Variants in STX6 observed in about 807,000 individuals in gnomAD.
STX6 encodes the protein syntaxin-6.
STX6 carries 23 observed loss-of-function variants against 38.0 expected under a neutral mutation model. The ratio of observed to expected loss-of-function variants is 0.60; its 90% CI spans 0.43 to 0.86. The LOEUF is 0.86. Among genes scored for constraint, STX6 ranks in the 40% least tolerant of loss-of-function variants. The probability of loss-of-function intolerance (pLI) is 0.00; values close to 1 mark genes in which losing one functional copy is unlikely to be tolerated. For missense variants in STX6, 274 were observed against 312.9 expected, an observed-to-expected ratio of 0.88 and a Z score of 0.94; for synonymous variants, 123 against 107.5, an observed-to-expected ratio of 1.14 and a Z score of -0.89.
rs886480249 is a variant in STX6, at chr1:180,975,424, A to T, written c.*1146T>A. On this transcript the variant is annotated 3_prime_UTR_variant, in exon 8 of 8. Coordinates refer to ENST00000258301, the MANE Select transcript of STX6 (RefSeq NM_005819.6). ...ACTCAATTAAAGCATCTATCATTTA[A>T]ATTTGGATTGGCTCAGTTATTTGAC... 4.6e-5 allele frequency: 7 copies of T among 152,608 alleles called. No individual in the cohort carries two copies. Among genetic ancestry groups the T allele is most frequent in the Admixed American group, 4.6e-4 (7 of 15,280 alleles). 9.5% of individuals were successfully genotyped at this position (152,608 alleles called of 1,614,324 possible).
intron 2 of STX6, among the ~76,000 whole-genome samples, chr1:181,004,236 C>T (rs927296229): frequency 1.3e-5 from 2 of 152,204 alleles, no homozygotes; most frequent in Admixed American, 1.3e-4. Context: ...AATGCAAATT[C>T]GGTCTCTGCC....
At chr1:180,981,646 AAGG>A (rs1162516188) in intron 7 of STX6, among the ~76,000 whole-genome samples, 2 of 152,160 alleles carry the variant, frequency 1.3e-5, no homozygotes, top group South Asian at 2.1e-4. Context: ...AATTTTCACC[AAGG>A]AGAAGCATAT....
At chr1:181,003,778 T>A (rs1027275887) in intron 2 of STX6, among the ~76,000 whole-genome samples, 1 of 151,956 alleles carries the variant, frequency 6.6e-6, no homozygotes, top group Non-Finnish European at 1.5e-5. Context: ...GGATTTCCAG[T>A]TGGAAAAAAA....
At position 180,976,433 on chromosome 1, in the gene STX6, G is replaced by C. The variant is rs1356102204; in HGVS notation, c.*137C>G. 4 of 765,136 alleles carry C rather than the reference G, an allele frequency of 5.2e-6. No individual in the cohort carries two copies. The highest frequency in any genetic ancestry group is 2.0e-5 in the Admixed American group (1 of 50,458). The allele number at this position is 765,136 out of a possible 1,614,324, so 47.4% of individuals were successfully genotyped here. A position where few individuals can be genotyped will look rare whatever the true frequency, so the allele number is the denominator to read the frequency against. On this transcript the variant is annotated 3_prime_UTR_variant, in exon 8 of 8. Transcript: ENST00000258301. ...ATGGAGGAGCCATGTCAATTGTGGG[G>C]TCACACGGAGAAAAGTCAGTGCAGC... is the stretch of plus-strand genomic sequence containing the variant.
chr1:180,979,704 T>A (rs1052670173), intron 7 of STX6, among the ~76,000 whole-genome samples: 11 of 152,188 alleles, frequency 7.2e-5, no homozygotes, highest in Non-Finnish European at 1.3e-4. Flanking sequence ...TGGGATGTCA[T>A]TAAAATTAAA....
chr1:180,993,425 C>A lies in STX6; in HGVS notation c.301G>T (p.Asp101Tyr). The change falls in exon 4 of 8, where the codon GAC becomes TAC. Residue 101 changes from aspartate (D) to tyrosine (Y), a missense_variant and splice_region_variant. Asp to Tyr is a radical substitution (Grantham distance 160, BLOSUM62 -3). Transcript: ENST00000258301. ...FITSTRQVVR[D>Y]MKDQMSTSSV... The stretch of plus-strand genomic sequence containing the variant: ...GAAGTTGACATCTGATCTTTCATGT[C>A]CTAATGAGAAAGAAGATACGAAAAC... 1 of 1,579,944 alleles carries A rather than the reference C, an allele frequency of 6.3e-7. No homozygotes were observed. The highest frequency in any genetic ancestry group is 8.7e-7 in the Non-Finnish European group (1 of 1,152,990).
rs1655190244 is a variant in STX6 at position 180,974,126 on chromosome 1, CTGGAT to C, written c.*2439_*2443del. The C allele has an allele frequency of 6.6e-6, 1 of 152,188 alleles. No individual in the cohort carries two copies. The highest frequency in any genetic ancestry group is 2.4e-5 in the African/African-American group (1 of 41,440). 9.4% of individuals were successfully genotyped at this position (152,188 alleles called of 1,614,324 possible). ...GTCCTTAAAAATAAATGTAGGTTCC[CTGGAT>C]TGTTCTCTTTGGCTGCCACATTTGG... is the stretch of plus-strand genomic sequence containing the variant. On this transcript the variant is annotated 3_prime_UTR_variant, in exon 8 of 8. Coordinates refer to ENST00000258301, the MANE Select transcript of STX6 (RefSeq NM_005819.6).
chr1:181,007,382 C>T (rs1472393344), intron 1 of STX6, among the ~76,000 whole-genome samples: 1 of 152,016 alleles, frequency 6.6e-6, no homozygotes, highest in Non-Finnish European at 1.5e-5. Context: ...TTACTGAATA[C>T]ATTCAATCCT....
At chr1:181,015,395 C>A (rs1656527104) in intron 1 of STX6, among the ~76,000 whole-genome samples, 1 of 152,178 alleles carries the variant, frequency 6.6e-6, no homozygotes, top group Non-Finnish European at 1.5e-5. Flanking sequence ...ATAGTGCCAC[C>A]ATTTTCCAAG....
At chr1:180,983,303 A>G (rs1245366306) in intron 7 of STX6, among the ~76,000 whole-genome samples, 1 of 152,232 alleles carries the variant, frequency 6.6e-6, no homozygotes, top group East Asian at 1.9e-4. Context: ...GGAAACCAAC[A>G]GAAGAAAAGG....
chr1:180,993,362 C>T lies in STX6; in HGVS notation c.363+1G>A, dbSNP rs1553264779. On this transcript the variant is annotated splice_donor_variant, in intron 4 of 7. Coordinates refer to ENST00000258301, the MANE Select transcript of STX6 (RefSeq NM_005819.6). LOFTEE classifies it high-confidence loss of function. ...ATAATTATATTCTGATGTTTTCTCA[C>T]CTGTCTATTTTTTCTTTCAGCTAAT... is the stretch of plus-strand genomic sequence containing the variant. The T allele has an allele frequency of 2.6e-6, 4 of 1,527,724 alleles. No homozygotes were observed. Among genetic ancestry groups the T allele is most frequent in the Non-Finnish European group, 3.6e-6 (4 of 1,102,880 alleles). 94.6% of individuals were successfully genotyped at this position (1,527,724 alleles called of 1,614,324 possible).
intron 1 of STX6, 49 bp from the exon 2 acceptor site, chr1:181,005,512 G>C: frequency 6.3e-7 from 1 of 1,575,670 alleles, no homozygotes; most frequent in South Asian, 1.1e-5. Flanking sequence ...AACATTCCAT[G>C]GTCAAGTTAC....
intron 7 of STX6, among the ~76,000 whole-genome samples, chr1:180,977,229 G>C (rs1413023430): frequency 6.6e-6 from 1 of 152,218 alleles, no homozygotes; most frequent in Non-Finnish European, 1.5e-5. Context: ...CAGCTCCTCT[G>C]TAAATGAAAG....
intron 1 of STX6, among the ~76,000 whole-genome samples, chr1:181,012,675 T>C (rs963380760): frequency 6.7e-6 from 1 of 149,220 alleles, no homozygotes; most frequent in Non-Finnish European, 1.5e-5. Flanking sequence ...TTCCATTCTT[T>C]TTTTTTTTTT....
rs1408503212 is a variant in STX6, at chr1:181,022,731, G to C, written c.-58C>G. 2.6e-6 allele frequency: 4 copies of C among 1,539,836 alleles called. No homozygotes were observed. The highest frequency in any genetic ancestry group is 1.8e-4 in the Middle Eastern group (1 of 5,638). On this transcript the variant is annotated 5_prime_UTR_variant, in exon 1 of 8. Coordinates refer to ENST00000258301, the MANE Select transcript of STX6 (RefSeq NM_005819.6). Reference sequence around the variant, plus strand: ...CGCGCACAGGGCGCCCGTGCCTCCCGGTCTCCCTCCGCCCACCCCGCCTGT... The same window carrying C: ...CGCGCACAGGGCGCCCGTGCCTCCCCGTCTCCCTCCGCCCACCCCGCCTGT...
intron 7 of STX6, 105 bp from the exon 8 acceptor site, chr1:180,976,751 C>T (rs899137792): frequency 2.1e-5 from 22 of 1,056,822 alleles, no homozygotes; most frequent in African/African-American, 1.2e-4. Flanking sequence ...AGGGGCAGAA[C>T]GTGCAAATGA....
chr1:180,993,075 T>C (rs1032382781), intron 4 of STX6, among the ~76,000 whole-genome samples: 9 of 152,026 alleles, frequency 5.9e-5, no homozygotes, highest in African/African-American at 1.9e-4. Flanking sequence ...AATAAACACA[T>C]TAAAAAAGTA....
intron 3 of STX6, among the ~76,000 whole-genome samples, chr1:180,997,182 G>A (rs987901094): frequency 6.6e-6 from 1 of 152,160 alleles, no homozygotes; most frequent in African/African-American, 2.4e-5. Flanking sequence ...GGGATTAATA[G>A]AGGTAACACA....
At chr1:180,976,760 G>T in intron 7 of STX6, 114 bp from the exon 8 acceptor site, 1 of 950,426 alleles carries the variant, frequency 1.1e-6, no homozygotes, top group Non-Finnish European at 1.6e-6. Flanking sequence ...ACGTGCAAAT[G>T]ACGGGGCCAT....
Sources: gnomAD v4.1 joint callset for allele counts (sites outside exome capture counted in the v4.1 genomes callset) on GRCh38, gnomAD v4.1.1 for gene constraint, MANE v1.5 for transcripts, NCBI Gene and HGNC (gene_info 2026-07-23, HGNC 2026-07-21) for gene names.